MAPK1IP1L: variants seen among roughly 807,000 people sequenced by gnomAD.
The protein encoded by MAPK1IP1L is mitogen-activated protein kinase 1 interacting protein 1 like, also known as MAPK-interacting and spindle-stabilizing protein-like.
A neutral mutation model predicts 18.1 loss-of-function variants in MAPK1IP1L; 10 were observed. That is an observed-to-expected ratio of 0.55 (90% CI 0.34 to 0.94). The LOEUF (loss-of-function observed/expected upper bound fraction) is 0.94, where lower values mean the gene tolerates loss of function less well. Ranked by LOEUF, MAPK1IP1L falls within the 40% of genes least tolerant of loss-of-function variation. MAPK1IP1L has a pLI of 0.02. For synonymous variants in MAPK1IP1L, 115 were observed against 117.3 expected (o/e 0.98, Z 0.13); for missense variants, 260 against 318.2 (o/e 0.82, Z 1.39).
chr14:55,054,951 ATGGG>A (rs530854427), intron 1 of MAPK1IP1L, among the ~76,000 whole-genome samples: 7 of 152,314 alleles, frequency 4.6e-5, no homozygotes, highest in South Asian at 4.1e-4. Context: ...TTTTCAGATG[ATGGG>A]TGGATCATGC....
intron 3 of MAPK1IP1L, among the ~76,000 whole-genome samples, chr14:55,064,214 G>A (rs1331583536): frequency 6.6e-6 from 1 of 150,670 alleles, no homozygotes; most frequent in African/African-American, 2.4e-5. Context: ...GGCTGGTCTT[G>A]AACTCCTGAC....
intron 1 of MAPK1IP1L, among the ~76,000 whole-genome samples, chr14:55,055,332 A>C (rs1382578295): frequency 1.3e-5 from 2 of 152,158 alleles, no homozygotes; most frequent in African/African-American, 2.4e-5. Context: ...TGAAACGTTC[A>C]TGTCCAACTG....
chr14:55,064,167 T>C (rs2140262243), intron 3 of MAPK1IP1L, among the ~76,000 whole-genome samples: 1 of 152,066 alleles, frequency 6.6e-6, no homozygotes, highest in South Asian at 2.1e-4. Flanking sequence ...CTCATTTTTG[T>C]ATTTTTAGTA....
rs1181304365 is a variant in MAPK1IP1L at position 55,069,668 on chromosome 14, T to G, written c.*5041T>G. ...GAAAAAAGGGCCTGAGATACCTCTTTGCATGTGACCTGCATTCACTAAGGA... is the reference window on the plus strand; with the variant it reads ...GAAAAAAGGGCCTGAGATACCTCTTGGCATGTGACCTGCATTCACTAAGGA... On this transcript the variant is annotated 3_prime_UTR_variant, in exon 4 of 4. Transcript: ENST00000395468. 3.3e-5 allele frequency: 5 copies of G among 152,224 alleles called. No homozygotes were observed. The highest frequency in any genetic ancestry group is 1.2e-4 in the African/African-American group (5 of 41,454). The allele number at this position is 152,224 out of a possible 1,614,324, so 9.4% of individuals were successfully genotyped here.
At chr14:55,062,502 A>T in intron 2 of MAPK1IP1L, 116 bp from the exon 3 acceptor site, 7 of 796,354 alleles carry the variant, frequency 8.8e-6, no homozygotes, top group Non-Finnish European at 1.4e-5. Context: ...GCTTTTGAAG[A>T]TATTCTTGAG....
chr14:55,056,502 T>C lies in MAPK1IP1L; in HGVS notation c.-5+4699T>C, dbSNP rs73268014. 8.3e-3 allele frequency among the ~76,000 whole-genome samples: 1,262 copies of C among 152,190 alleles called. 9 individuals are homozygous for C. The highest frequency in any genetic ancestry group is 0.029 in the African/African-American group (1,187 of 41,532). Reference sequence around the variant, plus strand: ...AACCTTAACATGGGAATGGGTTGTATGTGGGTTTTTTTGTTTTTTTGTTTT... The same window carrying C: ...AACCTTAACATGGGAATGGGTTGTACGTGGGTTTTTTTGTTTTTTTGTTTT... On this transcript the variant is annotated intron_variant, in intron 1 of 3. Coordinates refer to ENST00000395468, the MANE Select transcript of MAPK1IP1L (RefSeq NM_144578.4).
At position 55,061,916 on chromosome 14, in the gene MAPK1IP1L, T is replaced by C. The variant is rs117487771; in HGVS notation, c.18+215T>C. On this transcript the variant is annotated intron_variant, in intron 2 of 3. Transcript: ENST00000395468. ...TTGTGCCATTGCACTCCTGCCTGGG[T>C]GACAGAGTGAGACTCTGTCTATAAA... 8.3e-3 allele frequency among the ~76,000 whole-genome samples: 1,265 copies of C among 152,348 alleles called. 23 individuals are homozygous for C. Among genetic ancestry groups the C allele is most frequent in the South Asian group, 0.045 (217 of 4,832 alleles).
At chr14:55,052,408 C>T (rs922068686) in intron 1 of MAPK1IP1L, among the ~76,000 whole-genome samples, 11 of 152,118 alleles carry the variant, frequency 7.2e-5, no homozygotes, top group African/African-American at 2.4e-4. Flanking sequence ...TAGATGAATA[C>T]CCAGGGCAAA....
rs1356514618 is a variant in MAPK1IP1L at position 55,065,389 on chromosome 14, T to G, written c.*762T>G. 2 of 152,242 alleles carry G rather than the reference T, an allele frequency of 1.3e-5. No homozygotes were observed. The highest frequency in any genetic ancestry group is 4.8e-5 in the African/African-American group (2 of 41,466). The allele number at this position is 152,242 out of a possible 1,614,324, so 9.4% of individuals were successfully genotyped here. A position where few individuals can be genotyped will look rare whatever the true frequency, so the allele number is the denominator to read the frequency against. ...CTACTTGAGATTTGATTATGAGATGTGCATATTGCTTTGGGAAGAGCTCGA... is the reference window on the plus strand; with the variant it reads ...CTACTTGAGATTTGATTATGAGATGGGCATATTGCTTTGGGAAGAGCTCGA... On this transcript the variant is annotated 3_prime_UTR_variant, in exon 4 of 4. Coordinates refer to ENST00000395468, the MANE Select transcript of MAPK1IP1L (RefSeq NM_144578.4).
intron 1 of MAPK1IP1L, among the ~76,000 whole-genome samples, chr14:55,052,366 T>G (rs2042737289): frequency 6.6e-6 from 1 of 152,208 alleles, no homozygotes; most frequent in African/African-American, 2.4e-5. Context: ...GTTCTGGTTA[T>G]GACTTACTAG....
chr14:55,058,613 G>A (rs954842020), intron 1 of MAPK1IP1L, among the ~76,000 whole-genome samples: 4 of 152,106 alleles, frequency 2.6e-5, no homozygotes, highest in Admixed American at 6.5e-5. Context: ...GGCGGATCAC[G>A]TGAGGCCAGG....
chr14:55,059,741 C>T (rs892394552), intron 1 of MAPK1IP1L, among the ~76,000 whole-genome samples: 1 of 152,136 alleles, frequency 6.6e-6, no homozygotes, highest in Admixed American at 6.5e-5. Flanking sequence ...TCCTCTTCTC[C>T]AGCTGTAAAC....
intron 1 of MAPK1IP1L, chr14:55,060,871 T>C (rs2042812414): frequency 6.6e-6 from 1 of 152,192 alleles, no homozygotes; most frequent in Non-Finnish European, 1.5e-5. Context: ...ACACAGTGGC[T>C]CATGGCTATA....
rs778740529 is a variant in MAPK1IP1L at position 55,062,779 on chromosome 14, C to T, written c.180C>T (p.Ser60=). The T allele has an allele frequency of 7.4e-6, 12 of 1,614,080 alleles. No individual in the cohort carries two copies. In the African/African-American group the frequency reaches 8.0e-5, roughly 11 times the overall value. ...GACTCCCACCAAGTGCAACACCCTC[C>T]ACTGTGCCTTTTGGACCAGCACCAA... ...PSGLPPSATP[S]TVPFGPAPTG... Residue 60 remains serine (S), a synonymous_variant, in exon 3 of 4, where the codon TCC becomes TCT. Transcript: ENST00000395468.
intron 3 of MAPK1IP1L, among the ~76,000 whole-genome samples, chr14:55,063,544 A>G (rs560236325): frequency 6.6e-6 from 1 of 152,312 alleles, no homozygotes; most frequent in Admixed American, 6.5e-5. Context: ...GAATTTTCCA[A>G]AGATCCCCAA....
Position 55,056,506 on chromosome 14 carries a change from GGTTTTTTT to G in MAPK1IP1L, c.-5+4718_-5+4725del, listed in dbSNP as rs1282777161. Reference sequence around the variant, plus strand: ...TTAACATGGGAATGGGTTGTATGTGGGTTTTTTTGTTTTTTTGTTTTTGAGACGGAGTT... The same window carrying G: ...TTAACATGGGAATGGGTTGTATGTGGGTTTTTTTGTTTTTGAGACGGAGTT... On this transcript the variant is annotated intron_variant, in intron 1 of 3. Transcript: ENST00000395468. Among the ~76,000 whole-genome samples the G allele has an allele frequency of 5.9e-5, 9 of 151,934 alleles. 1 individual carries two copies. The East Asian group carries it at 1.5e-3, about 26-fold the overall frequency.
At chr14:55,054,887 T>G (rs1331038806) in intron 1 of MAPK1IP1L, among the ~76,000 whole-genome samples, 1 of 152,230 alleles carries the variant, frequency 6.6e-6, no homozygotes, top group Non-Finnish European at 1.5e-5. Flanking sequence ...CAAAAGACAT[T>G]TTGTACTGTT....
At chr14:55,058,327 C>A (rs1208958266) in intron 1 of MAPK1IP1L, among the ~76,000 whole-genome samples, 1 of 152,148 alleles carries the variant, frequency 6.6e-6, no homozygotes, top group Non-Finnish European at 1.5e-5. Context: ...TTTCGAGGAC[C>A]TGCTATAGAC....
At chr14:55,061,760 C>A in intron 2 of MAPK1IP1L, 59 bp downstream of exon 2, 2 of 1,320,384 alleles carry the variant, frequency 1.5e-6, no homozygotes, top group South Asian at 2.7e-5. Flanking sequence ...ACAACATGGT[C>A]CTAACTGGGC....
Sources: allele counts gnomAD v4.1 joint callset (sites outside exome capture counted in the v4.1 genomes callset), GRCh38; gene constraint gnomAD v4.1.1; transcripts MANE v1.5; gene names NCBI Gene and HGNC (gene_info 2026-07-23, HGNC 2026-07-21).